Variants in CCSER2 observed in about 807,000 individuals in gnomAD.
CCSER2 encodes coiled-coil serine rich protein 2, also known as serine-rich coiled-coil domain-containing protein 2.
A neutral mutation model predicts 92.3 loss-of-function variants in CCSER2; 46 were observed. The observed-to-expected ratio is 0.50, with a 90% CI of 0.39 to 0.64. The LOEUF (loss-of-function observed/expected upper bound fraction) is 0.64, where lower values mean the gene tolerates loss of function less well. Ranked by LOEUF, CCSER2 falls within the 30% of genes least tolerant of loss-of-function variation. CCSER2 has a pLI of 0.00. For synonymous variants in CCSER2, 433 were observed against 431.4 expected (o/e 1.00, Z -0.04); for missense variants, 1,244 against 1,238.9 (o/e 1.00, Z -0.06).
Position 84,438,543 on chromosome 10 carries a change from C to T in CCSER2, c.1900C>T (p.His634Tyr). 6.2e-7 allele frequency: 1 copy of T among 1,612,004 alleles called. No homozygotes were observed. Among genetic ancestry groups the T allele is most frequent in the South Asian group, 1.1e-5 (1 of 90,670 alleles). The change falls in exon 6 of 10, where the codon CAT becomes TAT. Residue 634 changes from histidine to tyrosine, a missense_variant. Physicochemically the swap from His to Tyr is moderately conservative, Grantham distance 83 (BLOSUM62 2). Coordinates refer to ENST00000372088, the MANE Select transcript of CCSER2 (RefSeq NM_001284240.2). ...TCCCTATAGAGAATCTCCTTTGGGT[C>T]ATTTTGAAAGCTATGGAGGGATGCC... is the stretch of plus-strand genomic sequence containing the variant. ...GSPYRESPLG[H>Y]FESYGGMPFF...
rs1221216008 is a variant in CCSER2, at chr10:84,417,490, G to A, written c.1615-281G>A. On this transcript the variant is annotated intron_variant, in intron 3 of 9. Coordinates refer to ENST00000372088, the MANE Select transcript of CCSER2 (RefSeq NM_001284240.2). ...TTTTGATTCTTCAGTATTTTACCAG[G>A]GAAGATGTTAAAAACATGGACTTAA... Among the ~76,000 whole-genome samples the A allele has an allele frequency of 2.0e-5, 3 of 152,020 alleles. No individual in the cohort carries two copies. The East Asian group carries it at 5.8e-4, about 29-fold the overall frequency.
intron 9 of CCSER2, among the ~76,000 whole-genome samples, chr10:84,511,852 A>T (rs1167094247): frequency 1.3e-5 from 2 of 152,148 alleles, no homozygotes; most frequent in African/African-American, 4.8e-5. Flanking sequence ...GGGACAGTTC[A>T]TTCATTTTTG....
intron 1 of CCSER2, among the ~76,000 whole-genome samples, chr10:84,332,011 A>G (rs1478311792): frequency 6.6e-6 from 1 of 152,218 alleles, no homozygotes; most frequent in African/African-American, 2.4e-5. Context: ...CTAAAGGCCC[A>G]GGAGCAGTAT....
chr10:84,452,225 C>G (rs1179106198), intron 6 of CCSER2: 1 of 152,080 alleles, frequency 6.6e-6, no homozygotes, highest in Non-Finnish European at 1.5e-5. Context: ...TTAGTCATTT[C>G]AAGTATCCAT....
chr10:84,503,898 T>C (rs2131852258), intron 9 of CCSER2, among the ~76,000 whole-genome samples: 1 of 152,360 alleles, frequency 6.6e-6, no homozygotes, highest in Admixed American at 6.5e-5. Flanking sequence ...AAATTTATAT[T>C]GTCTTACATC....
intron 1 of CCSER2, among the ~76,000 whole-genome samples, chr10:84,333,653 T>C (rs974747836): frequency 4.6e-5 from 7 of 152,240 alleles, no homozygotes; most frequent in African/African-American, 1.7e-4. Context: ...TATTGAATTA[T>C]GTTTATAATA....
At chr10:84,495,796 A>G (rs1319972633) in intron 9 of CCSER2, among the ~76,000 whole-genome samples, 1 of 144,158 alleles carries the variant, frequency 6.9e-6, no homozygotes, top group Non-Finnish European at 1.5e-5. Context: ...TTGGCGTGGT[A>G]TATCGTTTTC....
At chr10:84,487,648 G>C (rs143755706) in intron 9 of CCSER2, among the ~76,000 whole-genome samples, 1 of 152,160 alleles carries the variant, frequency 6.6e-6, no homozygotes, top group East Asian at 1.9e-4. Context: ...GGGCTGAGAC[G>C]ATGGCGTTTT....
chr10:84,482,321 A>G (rs1025678614), intron 9 of CCSER2, among the ~76,000 whole-genome samples: 1 of 152,204 alleles, frequency 6.6e-6, no homozygotes, highest in Non-Finnish European at 1.5e-5. Context: ...AAGAATAACA[A>G]TATGGAAGAT....
intron 7 of CCSER2, among the ~76,000 whole-genome samples, chr10:84,467,505 G>A (rs72826292): frequency 4.6e-4 from 70 of 151,978 alleles, no homozygotes; most frequent in Non-Finnish European, 8.2e-4. Flanking sequence ...TATGTGAGAT[G>A]TCTTAAACAT....
chr10:84,334,718 C>T (rs919040985), intron 1 of CCSER2, among the ~76,000 whole-genome samples: 1 of 151,848 alleles, frequency 6.6e-6, no homozygotes, highest in Non-Finnish European at 1.5e-5. Context: ...TTTATAGCTA[C>T]GTAAGACAGG....
chr10:84,339,880 C>T (rs769702732), intron 1 of CCSER2, among the ~76,000 whole-genome samples: 1 of 150,918 alleles, frequency 6.6e-6, no homozygotes, highest in African/African-American at 2.4e-5. Context: ...TCACTCTTGT[C>T]GCCCAGTCTG....
chr10:84,354,942 A>G (rs915473560), intron 1 of CCSER2, among the ~76,000 whole-genome samples: 6 of 151,670 alleles, frequency 4.0e-5, no homozygotes, highest in Non-Finnish European at 8.8e-5. Flanking sequence ...CATCTAATCA[A>G]TCACTCATCC....
intron 9 of CCSER2, among the ~76,000 whole-genome samples, chr10:84,487,093 A>G (rs977932304): frequency 6.6e-6 from 1 of 152,054 alleles, no homozygotes; most frequent in African/African-American, 2.4e-5. Context: ...GTTCTGTTCC[A>G]TTGGTCTATA....
Position 84,514,215 on chromosome 10 carries a change from ATTGT to A in CCSER2, c.3096_3099del (p.Cys1032TrpfsTer27). On this transcript the variant is annotated frameshift_variant, in exon 10 of 10. Coordinates refer to ENST00000372088, the MANE Select transcript of CCSER2 (RefSeq NM_001284240.2). LOFTEE classifies it high-confidence loss of function. ...CCAAATGGCAATTTGCATTCTGGGG[ATTGT>A]TTGGCCTCTAATCGATATTCTCGTC... 6.5e-7 allele frequency: 1 copy of A among 1,536,478 alleles called. No homozygotes were observed.
intron 3 of CCSER2, among the ~76,000 whole-genome samples, chr10:84,386,593 C>G (rs1303744764): frequency 1.3e-5 from 2 of 152,152 alleles, no homozygotes; most frequent in East Asian, 3.8e-4. Flanking sequence ...GGCACAAATG[C>G]CTGCGATCCC....
intron 3 of CCSER2, chr10:84,392,124 AAAAT>A: frequency 1.5e-6 from 1 of 669,686 alleles, no homozygotes; most frequent in Non-Finnish European, 2.7e-6. Context: ...GCACCCAGGG[AAAAT>A]ACTACCCTTT....
chr10:84,454,489 GT>G (rs913278392), intron 6 of CCSER2, among the ~76,000 whole-genome samples: 14 of 152,052 alleles, frequency 9.2e-5, no homozygotes, highest in African/African-American at 2.9e-4. Context: ...TTGGTGTGCA[GT>G]TTTTTTTAAG....
chr10:84,346,382 T>C (rs181385629), intron 1 of CCSER2, among the ~76,000 whole-genome samples: 4 of 151,960 alleles, frequency 2.6e-5, no homozygotes, highest in East Asian at 1.9e-4. Context: ...GAATAATCTT[T>C]AGGAATTAAA....
Sources: allele counts gnomAD v4.1 joint callset (sites outside exome capture counted in the v4.1 genomes callset), GRCh38; gene constraint gnomAD v4.1.1; transcripts MANE v1.5; gene names NCBI Gene and HGNC (gene_info 2026-07-23, HGNC 2026-07-21).